PCDHGA3: variants seen among roughly 807,000 people sequenced by gnomAD.
PCDHGA3 encodes the protein protocadherin gamma subfamily A, 3, also known as protocadherin gamma-A3.
A neutral mutation model predicts 58.5 loss-of-function variants in PCDHGA3; 40 were observed. The ratio of observed to expected loss-of-function variants is 0.68; its 90% confidence interval spans 0.53 to 0.89. The LOEUF (loss-of-function observed/expected upper bound fraction) is 0.89. Among genes scored for constraint, PCDHGA3 ranks in the 40% least tolerant of loss-of-function variants. The pLI is 0.00. For synonymous variants in PCDHGA3, 530 were observed against 525.7 expected (o/e 1.01, Z -0.11); for missense variants, 1,223 against 1,195.9 (o/e 1.02, Z -0.33).
Position 141,413,755 on chromosome 5 carries a change from A to T in PCDHGA3, c.2424+67298A>T, listed in dbSNP as rs199577406. On this transcript the variant is annotated intron_variant, in intron 1 of 3. Transcript: ENST00000253812. ...AGTTCAGAGCCGTGCCAATGGCGTC[A>T]AGTACCCGGAGCTGGTACTGGAGCA... 1.6e-4 allele frequency: 266 copies of T among 1,612,936 alleles called. 3 individuals carry two copies. In the South Asian group the frequency reaches 2.3e-3, roughly 14 times the overall value.
At chr5:141,385,495 T>G in intron 1 of PCDHGA3, 1 of 1,391,982 alleles carries the variant, frequency 7.2e-7, no homozygotes, top group Non-Finnish European at 9.3e-7. Flanking sequence ...ACATAGGATA[T>G]AGTATTTCTT....
chr5:141,426,513 CG>C, intron 1 of PCDHGA3: 1 of 341,148 alleles, frequency 2.9e-6, no homozygotes, highest in Non-Finnish European at 5.8e-6. Flanking sequence ...AATACTTTAC[CG>C]TGAACACGGA....
At chr5:141,425,413 T>G (rs2096873899) in intron 1 of PCDHGA3, among the ~76,000 whole-genome samples, 1 of 152,202 alleles carries the variant, frequency 6.6e-6, no homozygotes, top group African/African-American at 2.4e-5. Context: ...AGGTATAACA[T>G]ATAGTCCCAT....
At chr5:141,364,276 T>C (rs1045557569) in intron 1 of PCDHGA3, 1 of 1,515,100 alleles carries the variant, frequency 6.6e-7, no homozygotes, top group Middle Eastern at 1.8e-4. Flanking sequence ...TTTAGATAAA[T>C]AAGGAAACAG....
intron 3 of PCDHGA3, 31 bp downstream of exon 3, chr5:141,505,512 T>C (rs754223095): frequency 6.2e-7 from 1 of 1,613,676 alleles, no homozygotes; most frequent in South Asian, 1.1e-5. Context: ...TATGGAAGAG[T>C]GGGAGACCTG....
chr5:141,418,941 C>G, intron 1 of PCDHGA3: 1 of 1,614,034 alleles, frequency 6.2e-7, no homozygotes, highest in East Asian at 2.2e-5. Flanking sequence ...GAGGATTCCC[C>G]TCCAGGAGTG....
chr5:141,362,713 T>C (rs1762646923), intron 1 of PCDHGA3: 1 of 922,312 alleles, frequency 1.1e-6, no homozygotes, highest in Non-Finnish European at 1.6e-6. Flanking sequence ...AAGTGTTTTC[T>C]CTCTGAAGTG....
intron 1 of PCDHGA3, among the ~76,000 whole-genome samples, chr5:141,359,576 A>C (rs541965330): frequency 6.6e-6 from 1 of 151,854 alleles, no homozygotes; most frequent in East Asian, 1.9e-4. Context: ...TATGATCTTT[A>C]AGATATAACA....
At chr5:141,387,999 G>A (rs923312530) in intron 1 of PCDHGA3, 2 of 1,487,266 alleles carry the variant, frequency 1.3e-6, no homozygotes, top group Non-Finnish European at 1.8e-6. Flanking sequence ...CAGGATTCCC[G>A]AGGAAATGCC....
At chr5:141,438,268 C>T (rs949472857) in intron 1 of PCDHGA3, among the ~76,000 whole-genome samples, 1 of 152,054 alleles carries the variant, frequency 6.6e-6, no homozygotes. Flanking sequence ...ACCATAGAAT[C>T]AAACAAAATA....
At position 141,511,199 on chromosome 5, in the gene PCDHGA3, G is replaced by C. The variant is rs1303066281; in HGVS notation, c.*26G>C. On this transcript the variant is annotated 3_prime_UTR_variant, in exon 4 of 4. Coordinates refer to ENST00000253812, the MANE Select transcript of PCDHGA3 (RefSeq NM_018916.4). The stretch of plus-strand genomic sequence containing the variant: ...CATGGAGGCCAGGCCAAGAGCCACA[G>C]GGCGGCCTCTCCCCAACCAGCCCAG... 6.2e-6 allele frequency: 10 copies of C among 1,612,868 alleles called. No individual in the cohort carries two copies. In the East Asian group the frequency reaches 2.2e-4, roughly 36 times the overall value.
intron 1 of PCDHGA3, among the ~76,000 whole-genome samples, chr5:141,445,318 G>T (rs182520609): frequency 2.0e-4 from 30 of 152,306 alleles, no homozygotes; most frequent in African/African-American, 7.2e-4. Context: ...TAGGTTGAGA[G>T]AACCCATCCA....
Position 141,399,399 on chromosome 5 carries a change from C to T in PCDHGA3, c.2424+52942C>T, listed in dbSNP as rs1282174658. 1.9e-6 allele frequency: 3 copies of T among 1,613,902 alleles called. No individual in the cohort carries two copies. The Admixed American group carries it at 5.0e-5, about 27-fold the overall frequency. The stretch of plus-strand genomic sequence containing the variant: ...TCACCATCACAGCCACAGACAGGGG[C>T]AAGCCGCCCCTCTCCTCCAGCATAA... On this transcript the variant is annotated intron_variant, in intron 1 of 3. Transcript: ENST00000253812.
intron 1 of PCDHGA3, chr5:141,352,408 C>A (rs1197749227): frequency 6.2e-7 from 1 of 1,614,058 alleles, no homozygotes; most frequent in Admixed American, 1.7e-5. Flanking sequence ...GTTCCTCCAG[C>A]CTCGACACTG....
chr5:141,478,882 A>G, intron 1 of PCDHGA3: 1 of 1,200,164 alleles, frequency 8.3e-7, no homozygotes. Context: ...TTAGCTTGGT[A>G]TCATTTACAT....
chr5:141,505,371 C>T (rs2099845827), intron 2 of PCDHGA3, 22 bp from the exon 3 acceptor site: 4 of 1,613,980 alleles, frequency 2.5e-6, no homozygotes, highest in Non-Finnish European at 3.4e-6. Context: ...AGTCTGTGCT[C>T]ACCATCCTAC....
intron 1 of PCDHGA3, chr5:141,372,939 G>A (rs1026338118): frequency 1.1e-5 from 9 of 824,676 alleles, no homozygotes; most frequent in Non-Finnish European, 1.6e-5. Flanking sequence ...GTAGAGTAGG[G>A]TGTCTAGGAA....
At position 141,476,881 on chromosome 5, in the gene PCDHGA3, G is replaced by A. The variant is rs1458703890; in HGVS notation, c.2425-17926G>A. On this transcript the variant is annotated intron_variant, in intron 1 of 3. Coordinates refer to ENST00000253812, the MANE Select transcript of PCDHGA3 (RefSeq NM_018916.4). The surrounding 1 kb of genome is among the most constrained non-coding windows in gnomAD (Gnocchi z 7.6). The stretch of plus-strand genomic sequence containing the variant: ...CCTTGTACCGGGCGCGCGTCCTGGA[G>A]GATGCACCCTCCGGCACGCGCGTGG... 1.9e-6 allele frequency: 3 copies of A among 1,613,874 alleles called. No homozygotes were observed. Among genetic ancestry groups the A allele is most frequent in the Middle Eastern group, 1.6e-4 (1 of 6,084 alleles).
chr5:141,377,635 A>G (rs561038965), intron 1 of PCDHGA3: 1 of 151,932 alleles, frequency 6.6e-6, no homozygotes, highest in African/African-American at 2.4e-5. Flanking sequence ...GTTTTTTCTC[A>G]GTGTTACTTG....
Sources: allele counts gnomAD v4.1 joint callset (sites outside exome capture counted in the v4.1 genomes callset), GRCh38; gene constraint gnomAD v4.1.1; non-coding constraint Gnocchi (gnomAD v3.1); transcripts MANE v1.5; gene names NCBI Gene and HGNC (gene_info 2026-07-23, HGNC 2026-07-21).